The following HS2ST1 variants were observed in gnomAD, a reference collection of about 807,000 sequenced individuals.
HS2ST1 encodes heparan sulfate 2-O-sulfotransferase 1, also known as 2-O-sulfotransferase.
Under a neutral mutation model 42.9 loss-of-function variants are expected in HS2ST1, and 18 were observed. The observed-to-expected ratio is 0.42, with a 90% confidence interval of 0.29 to 0.62. The LOEUF is 0.62. Among genes scored for constraint, HS2ST1 ranks in the 20% least tolerant of loss-of-function variants. HS2ST1 has a pLI of 0.21. For missense variants in HS2ST1, 334 were observed against 433.8 expected (o/e 0.77, Z 2.04); for synonymous variants, 146 against 152.9 (o/e 0.95, Z 0.33).
At chr1:86,981,794 A>C (rs575421707) in intron 1 of HS2ST1, among the ~76,000 whole-genome samples, 5 of 152,144 alleles carry the variant, frequency 3.3e-5, no homozygotes, top group African/African-American at 1.2e-4. Flanking sequence ...AGTGCAAGCT[A>C]TTGGTGGACC....
chr1:87,064,293 T>C (rs927202678), intron 1 of HS2ST1, among the ~76,000 whole-genome samples: 13 of 152,194 alleles, frequency 8.5e-5, no homozygotes, highest in African/African-American at 3.1e-4. Flanking sequence ...AAATAAAACT[T>C]AGGGCAACTC....
At chr1:87,002,553 T>G (rs1415320272) in intron 1 of HS2ST1, among the ~76,000 whole-genome samples, 1 of 151,360 alleles carries the variant, frequency 6.6e-6, no homozygotes, top group African/African-American at 2.4e-5. Flanking sequence ...TGTGCTGTGA[T>G]TGCACCACTG....
At chr1:87,016,190 A>G (rs951503417) in intron 1 of HS2ST1, among the ~76,000 whole-genome samples, 1 of 152,186 alleles carries the variant, frequency 6.6e-6, no homozygotes, top group Non-Finnish European at 1.5e-5. Context: ...TGGTTATTAT[A>G]TCTTTATTTA....
intron 1 of HS2ST1, among the ~76,000 whole-genome samples, chr1:87,014,456 A>G (rs1649691897): frequency 6.6e-6 from 1 of 152,226 alleles, no homozygotes; most frequent in Non-Finnish European, 1.5e-5. Flanking sequence ...ACACATGGGA[A>G]TTATGGGAGC....
intron 4 of HS2ST1, among the ~76,000 whole-genome samples, chr1:87,093,976 A>C (rs908313979): frequency 6.6e-6 from 1 of 152,060 alleles, no homozygotes; most frequent in Non-Finnish European, 1.5e-5. Context: ...AAATAATGCT[A>C]TCTCTCAGCA....
chr1:86,986,870 G>GC (rs1648798707), intron 1 of HS2ST1, among the ~76,000 whole-genome samples: 1 of 151,972 alleles, frequency 6.6e-6, no homozygotes, highest in African/African-American at 2.4e-5. Context: ...TTTCCTTTAA[G>GC]CCACCAAATT....
At chr1:87,035,240 A>G (rs1650343847) in intron 1 of HS2ST1, among the ~76,000 whole-genome samples, 1 of 152,208 alleles carries the variant, frequency 6.6e-6, no homozygotes, top group Non-Finnish European at 1.5e-5. Flanking sequence ...CCTATCAGCT[A>G]GTCATTTTGT....
At chr1:86,942,252 G>A (rs1244758408) in intron 1 of HS2ST1, among the ~76,000 whole-genome samples, 1 of 152,172 alleles carries the variant, frequency 6.6e-6, no homozygotes, top group Non-Finnish European at 1.5e-5. Flanking sequence ...TTGTTGGCAG[G>A]CACACTTAAC....
chr1:86,948,282 C>T lies in HS2ST1; in HGVS notation c.124+33122C>T, dbSNP rs570209147. On this transcript the variant is annotated intron_variant, in intron 1 of 6. Coordinates refer to ENST00000370550, the MANE Select transcript of HS2ST1 (RefSeq NM_012262.4). ...TTGCTGGGGCTTTTTTCATTAGTTA[C>T]GTTTATTTGTATAGAGACTAGGTCT... is the stretch of plus-strand genomic sequence containing the variant. Among the ~76,000 whole-genome samples, 9 of 152,120 alleles carry T rather than the reference C, an allele frequency of 5.9e-5. No individual in the cohort carries two copies. In the East Asian group the frequency reaches 9.7e-4, roughly 16 times the overall value.
At chr1:86,974,470 G>T (rs997388736) in intron 1 of HS2ST1, among the ~76,000 whole-genome samples, 5 of 152,130 alleles carry the variant, frequency 3.3e-5, no homozygotes, top group African/African-American at 1.2e-4. Flanking sequence ...TGTAACTAAA[G>T]TGCTTTCCTG....
At chr1:86,976,691 T>C (rs1469478137) in intron 1 of HS2ST1, among the ~76,000 whole-genome samples, 11 of 140,892 alleles carry the variant, frequency 7.8e-5, no homozygotes, top group Non-Finnish European at 1.5e-4. Context: ...ATCCATCTTT[T>C]CTTTATAAAA....
Position 87,077,655 on chromosome 1 carries a change from G to T in HS2ST1, c.363+4483G>T, listed in dbSNP as rs181389168. ...TCTATTATAAGATCTTTAAGGATAGGAACCTTGTCTGTCTTGTTCACTACT... is the reference window on the plus strand; with the variant it reads ...TCTATTATAAGATCTTTAAGGATAGTAACCTTGTCTGTCTTGTTCACTACT... On this transcript the variant is annotated intron_variant, in intron 2 of 6. Coordinates refer to ENST00000370550, the MANE Select transcript of HS2ST1 (RefSeq NM_012262.4). Among the ~76,000 whole-genome samples, 23 of 152,276 alleles carry T rather than the reference G, an allele frequency of 1.5e-4. No individual in the cohort carries two copies. In the East Asian group the frequency reaches 2.9e-3, roughly 19 times the overall value.
intron 1 of HS2ST1, among the ~76,000 whole-genome samples, chr1:86,965,648 GT>G (rs1043804736): frequency 3.3e-5 from 5 of 150,524 alleles, no homozygotes; most frequent in African/African-American, 9.8e-5. Context: ...TGGGAGGCTG[GT>G]TTTTTTTTAG....
chr1:87,023,038 A>G (rs1204924341), intron 1 of HS2ST1, among the ~76,000 whole-genome samples: 1 of 152,224 alleles, frequency 6.6e-6, no homozygotes, highest in African/African-American at 2.4e-5. Flanking sequence ...TGCTTTCTTG[A>G]GGATAAAATC....
At chr1:86,946,631 C>G (rs1647348162) in intron 1 of HS2ST1, among the ~76,000 whole-genome samples, 1 of 152,172 alleles carries the variant, frequency 6.6e-6, no homozygotes, top group South Asian at 2.1e-4. Context: ...GCTGAAGAGA[C>G]TGTCAGTTTA....
chr1:87,000,665 C>T (rs1276445442), intron 1 of HS2ST1, among the ~76,000 whole-genome samples: 3 of 152,192 alleles, frequency 2.0e-5, no homozygotes, highest in Non-Finnish European at 4.4e-5. Flanking sequence ...CATTTGAAAG[C>T]TTGTAAGACT....
Position 87,069,735 on chromosome 1 carries a change from G to A in HS2ST1, c.125-3199G>A, listed in dbSNP as rs547077721. Among the ~76,000 whole-genome samples, 149 of 152,256 alleles carry A rather than the reference G, an allele frequency of 9.8e-4. 1 individual carries two copies. The highest frequency in any genetic ancestry group is 3.4e-3 in the African/African-American group (140 of 41,556). On this transcript the variant is annotated intron_variant, in intron 1 of 6. Coordinates refer to ENST00000370550, the MANE Select transcript of HS2ST1 (RefSeq NM_012262.4). ...AAATGCATGTAAATACTATTTGAAT[G>A]AGGAAAGTAGTGATGCCAATATTTC... is the stretch of plus-strand genomic sequence containing the variant.
chr1:87,075,257 C>A (rs888674300), intron 2 of HS2ST1, among the ~76,000 whole-genome samples: 1 of 143,664 alleles, frequency 7.0e-6, no homozygotes, highest in Admixed American at 7.4e-5. Flanking sequence ...GCAACCTCTG[C>A]CTCCCACGTT....
chr1:86,938,122 C>A (rs1166497125), intron 1 of HS2ST1, among the ~76,000 whole-genome samples: 1 of 152,066 alleles, frequency 6.6e-6, no homozygotes, highest in Non-Finnish European at 1.5e-5. Context: ...ATGTTGATTT[C>A]TTCTTATTTA....
Sources: gnomAD v4.1 joint callset for allele counts (sites outside exome capture counted in the v4.1 genomes callset) on GRCh38, gnomAD v4.1.1 for gene constraint, MANE v1.5 for transcripts, NCBI Gene and HGNC (gene_info 2026-07-23, HGNC 2026-07-21) for gene names.